Variants in GRID1 observed in about 807,000 individuals in gnomAD.
GRID1 encodes glutamate receptor ionotropic, delta-1.
A neutral mutation model predicts 98.0 loss-of-function variants in GRID1; 28 were observed. The observed-to-expected ratio is 0.29, with a 90% CI of 0.21 to 0.39. The LOEUF is 0.39. Ranked by LOEUF, GRID1 falls within the 10% of genes least tolerant of loss-of-function variation. The probability of loss-of-function intolerance (pLI) is 1.00; values close to 1 mark genes in which losing one functional copy is unlikely to be tolerated. For synonymous variants in GRID1, 553 were observed against 538.5 expected (o/e 1.03, Z -0.37); for missense variants, 1,111 against 1,340.5 (o/e 0.83, Z 2.67).
chr10:85,976,295 C>T (rs550567159), intron 4 of GRID1, among the ~76,000 whole-genome samples: 11 of 152,250 alleles, frequency 7.2e-5, no homozygotes, highest in Admixed American at 2.0e-4. Context: ...CACTTTGATC[C>T]GAGTTAATCA....
chr10:86,006,449 T>C (rs1419926389), intron 4 of GRID1, among the ~76,000 whole-genome samples: 3 of 152,122 alleles, frequency 2.0e-5, no homozygotes, highest in Non-Finnish European at 4.4e-5. Context: ...TGAAACCCCG[T>C]CTCTACTAAA....
chr10:86,321,593 G>A (rs1039207808), intron 2 of GRID1, among the ~76,000 whole-genome samples: 2 of 152,116 alleles, frequency 1.3e-5, no homozygotes, highest in African/African-American at 4.8e-5. Context: ...TCCGGGAGAG[G>A]GCTGCCATGA....
intron 2 of GRID1, among the ~76,000 whole-genome samples, chr10:86,314,438 T>C (rs1847871934): frequency 6.6e-6 from 1 of 152,258 alleles, no homozygotes; most frequent in Non-Finnish European, 1.5e-5. Flanking sequence ...TCAGTGGCCA[T>C]CTGCCTCCCT....
At chr10:85,819,605 G>A (rs746528845) in intron 8 of GRID1, among the ~76,000 whole-genome samples, 7 of 152,002 alleles carry the variant, frequency 4.6e-5, no homozygotes, top group East Asian at 3.9e-4. Context: ...CATAACCTCC[G>A]TCTAATCATA....
chr10:86,170,353 C>A (rs1367711329), intron 3 of GRID1, among the ~76,000 whole-genome samples: 18 of 152,234 alleles, frequency 1.2e-4, no homozygotes, highest in African/African-American at 4.1e-4. Context: ...GGATGCACCA[C>A]AAGCCTCAGT....
At chr10:85,853,555 A>G (rs765440085) in intron 8 of GRID1, among the ~76,000 whole-genome samples, 5 of 151,930 alleles carry the variant, frequency 3.3e-5, no homozygotes, top group Admixed American at 6.5e-5. Context: ...ACTGTGGCCC[A>G]TCTACACCAT....
chr10:86,181,599 C>T (rs1305184736), intron 3 of GRID1, among the ~76,000 whole-genome samples: 1 of 152,146 alleles, frequency 6.6e-6, no homozygotes, highest in Non-Finnish European at 1.5e-5. Context: ...GTCCACCCTT[C>T]CTTGAAGTAT....
At chr10:86,011,675 A>G (rs1252417262) in intron 4 of GRID1, among the ~76,000 whole-genome samples, 3 of 152,226 alleles carry the variant, frequency 2.0e-5, no homozygotes, top group Non-Finnish European at 4.4e-5. Flanking sequence ...ATTCACTGAT[A>G]TGGAAGCACT....
intron 8 of GRID1, among the ~76,000 whole-genome samples, chr10:85,836,437 G>A (rs1842912217): frequency 6.6e-6 from 1 of 152,240 alleles, no homozygotes; most frequent in African/African-American, 2.4e-5. Flanking sequence ...TGAGCCCTGG[G>A]ATTCATTTTT....
At chr10:85,756,277 G>C (rs548142046) in intron 8 of GRID1, among the ~76,000 whole-genome samples, 1 of 152,132 alleles carries the variant, frequency 6.6e-6, no homozygotes, top group South Asian at 2.1e-4. Context: ...TTCATGGATA[G>C]AAGATTCGTT....
At chr10:85,956,798 A>G (rs1589312983) in intron 4 of GRID1, among the ~76,000 whole-genome samples, 1 of 152,356 alleles carries the variant, frequency 6.6e-6, no homozygotes, top group Non-Finnish European at 1.5e-5. Context: ...TCTTTAGTGC[A>G]AGCAACAGAA....
At chr10:85,632,556 C>A (rs143604203) in intron 13 of GRID1, among the ~76,000 whole-genome samples, 110 of 152,072 alleles carry the variant, frequency 7.2e-4, no homozygotes, top group African/African-American at 2.4e-3. Flanking sequence ...ACACTGTTAA[C>A]ATATACTTTT....
At chr10:86,302,570 C>A (rs150440706) in intron 2 of GRID1, among the ~76,000 whole-genome samples, 1 of 152,280 alleles carries the variant, frequency 6.6e-6, no homozygotes, top group Non-Finnish European at 1.5e-5. Flanking sequence ...AAACACACAG[C>A]ACCCCCAATC....
chr10:85,851,557 A>G (rs17400856), intron 8 of GRID1, among the ~76,000 whole-genome samples: 23,606 of 152,238 alleles, frequency 0.16, 1,955 homozygotes, highest in Middle Eastern at 0.2. Flanking sequence ...GTGACTCACC[A>G]TCCCTGAGAT....
At chr10:86,295,190 A>G (rs1195929706) in intron 2 of GRID1, among the ~76,000 whole-genome samples, 2 of 152,230 alleles carry the variant, frequency 1.3e-5, no homozygotes, top group African/African-American at 4.8e-5. Flanking sequence ...CGCAGAGGAC[A>G]GTAGCTGCAG....
intron 6 of GRID1, among the ~76,000 whole-genome samples, chr10:85,867,258 G>T (rs776601582): frequency 3.9e-5 from 6 of 152,210 alleles, no homozygotes; most frequent in Admixed American, 2.6e-4. Context: ...CTGTGCCATG[G>T]AAAGTGGCCC....
rs555520340 is a variant in GRID1 at position 85,986,766 on chromosome 10, C to A, written c.727-70527G>T. ...ATTTACTCACCAAGTGTTTGCAGAG[C>A]TCTAGTTCCAAAGAATGGTTCTAGA... On this transcript the variant is annotated intron_variant, in intron 4 of 15. Coordinates refer to ENST00000327946, the MANE Select transcript of GRID1 (RefSeq NM_017551.3). 2.6e-5 allele frequency among the ~76,000 whole-genome samples: 4 copies of A among 152,326 alleles called. No homozygotes were observed. In the East Asian group the frequency reaches 7.7e-4, roughly 29 times the overall value.
intron 4 of GRID1, among the ~76,000 whole-genome samples, chr10:86,038,280 G>T (rs1004026090): frequency 6.6e-6 from 1 of 152,190 alleles, no homozygotes; most frequent in African/African-American, 2.4e-5. Flanking sequence ...ATGTCTCCAA[G>T]TGATACACCA....
intron 8 of GRID1, among the ~76,000 whole-genome samples, chr10:85,736,440 G>A (rs958296704): frequency 6.6e-6 from 1 of 152,160 alleles, no homozygotes; most frequent in Non-Finnish European, 1.5e-5. Context: ...CAGTTGGTAA[G>A]CTTGTCTCAA....
Sources: allele counts gnomAD v4.1 joint callset (sites outside exome capture counted in the v4.1 genomes callset), GRCh38; gene constraint gnomAD v4.1.1; transcripts MANE v1.5; gene names NCBI Gene and HGNC (gene_info 2026-07-23, HGNC 2026-07-21).